EPB41L4A: variants seen among roughly 807,000 people sequenced by gnomAD.
EPB41L4A encodes erythrocyte membrane protein band 4.1 like 4A.
EPB41L4A carries 100 observed loss-of-function variants against 108.6 expected under a neutral mutation model. The observed-to-expected ratio is 0.92, with a 90% CI of 0.78 to 1.09. The LOEUF (loss-of-function observed/expected upper bound fraction) is 1.09, where lower values mean the gene tolerates loss of function less well. Ranked by LOEUF, EPB41L4A falls within the 50% of genes least tolerant of loss-of-function variation. EPB41L4A has a pLI of 0.00. For missense variants in EPB41L4A, 1,030 were observed against 842.7 expected, an observed-to-expected ratio of 1.22 and a Z score of -2.75; for synonymous variants, 319 against 289.0, an observed-to-expected ratio of 1.10 and a Z score of -1.05.
At chr5:112,265,710 C>T (rs77244110) in intron 5 of EPB41L4A, among the ~76,000 whole-genome samples, 3,771 of 152,322 alleles carry the variant, frequency 0.025, 90 homozygotes, top group African/African-American at 0.067. Flanking sequence ...CTAATCGTCA[C>T]TGGAAGTAGT....
At chr5:112,386,160 C>T (rs1760511161) in intron 1 of EPB41L4A, among the ~76,000 whole-genome samples, 1 of 152,170 alleles carries the variant, frequency 6.6e-6, no homozygotes, top group Non-Finnish European at 1.5e-5. Context: ...TGAGACATAA[C>T]GAAGGCATTA....
At chr5:112,278,443 G>A (rs1207328124) in intron 3 of EPB41L4A, among the ~76,000 whole-genome samples, 2 of 151,962 alleles carry the variant, frequency 1.3e-5, no homozygotes, top group East Asian at 3.9e-4. Context: ...GCAGAGACGA[G>A]GCTTCACCAT....
chr5:112,362,544 G>C (rs1401907102), intron 1 of EPB41L4A, among the ~76,000 whole-genome samples: 1 of 152,132 alleles, frequency 6.6e-6, no homozygotes, highest in Non-Finnish European at 1.5e-5. Context: ...GCCTCCCAAA[G>C]TGCTGGGATT....
chr5:112,199,620 A>G (rs1273657005), intron 15 of EPB41L4A, among the ~76,000 whole-genome samples: 4 of 152,206 alleles, frequency 2.6e-5, no homozygotes, highest in Admixed American at 2.6e-4. Flanking sequence ...CCACACTTGG[A>G]CTTCTCAGAA....
intron 1 of EPB41L4A, among the ~76,000 whole-genome samples, chr5:112,398,357 A>G (rs1217063024): frequency 6.6e-6 from 1 of 152,048 alleles, no homozygotes; most frequent in Non-Finnish European, 1.5e-5. Context: ...ACAGCCCCAT[A>G]ATAAATGCTT....
At chr5:112,400,078 T>G (rs1330158922) in intron 1 of EPB41L4A, among the ~76,000 whole-genome samples, 1 of 152,184 alleles carries the variant, frequency 6.6e-6, no homozygotes, top group Non-Finnish European at 1.5e-5. Flanking sequence ...GAAAGAGGTT[T>G]AATTAACTCA....
chr5:112,307,348 A>G (rs1384964233), intron 2 of EPB41L4A, 38 bp downstream of exon 2: 1 of 1,393,546 alleles, frequency 7.2e-7, no homozygotes, highest in African/African-American at 1.4e-5. Context: ...AGTGAAATTT[A>G]TAACCAGAAA....
intron 3 of EPB41L4A, among the ~76,000 whole-genome samples, chr5:112,278,984 G>C (rs1015999732): frequency 2.1e-5 from 3 of 144,902 alleles, no homozygotes; most frequent in Non-Finnish European, 3.0e-5. Flanking sequence ...AGAATTGCTT[G>C]AACGCAGGAG....
intron 12 of EPB41L4A, among the ~76,000 whole-genome samples, chr5:112,148,055 C>T (rs888684991): frequency 1.7e-4 from 24 of 141,302 alleles, no homozygotes; most frequent in Admixed American, 4.1e-4. Context: ...AAAAAATAAA[C>T]GCAAACACCA....
downstream of EPB41L4A, among the ~76,000 whole-genome samples, chr5:112,141,969 A>C (rs1034034551): frequency 3.3e-5 from 5 of 152,180 alleles, no homozygotes; most frequent in African/African-American, 1.2e-4. Context: ...TAAATGTAAC[A>C]CTCAGACTTC....
At chr5:112,216,196 C>G (rs7700588) in intron 12 of EPB41L4A, among the ~76,000 whole-genome samples, 9 of 151,968 alleles carry the variant, frequency 5.9e-5, no homozygotes, top group African/African-American at 9.7e-5. Flanking sequence ...GCTACTTTAT[C>G]TGGGGGCAAT....
chr5:112,179,638 T>C (rs1053283727), intron 18 of EPB41L4A, among the ~76,000 whole-genome samples: 5 of 152,118 alleles, frequency 3.3e-5, no homozygotes, highest in Non-Finnish European at 7.4e-5. Flanking sequence ...TGATCAAAAC[T>C]CTTCACTAAC....
At chr5:112,346,980 A>G (rs969994032) in intron 1 of EPB41L4A, among the ~76,000 whole-genome samples, 4 of 152,200 alleles carry the variant, frequency 2.6e-5, no homozygotes, top group African/African-American at 7.2e-5. Flanking sequence ...GCATTTTGAC[A>G]GTTAGAGTCC....
At chr5:112,218,167 T>C (rs1192056732) in intron 12 of EPB41L4A, among the ~76,000 whole-genome samples, 1 of 152,182 alleles carries the variant, frequency 6.6e-6, no homozygotes, top group Non-Finnish European at 1.5e-5. Flanking sequence ...GGAAGGCATC[T>C]GCTCATTCCC....
intron 11 of EPB41L4A, among the ~76,000 whole-genome samples, chr5:112,236,830 A>G (rs1379018468): frequency 3.3e-5 from 5 of 152,192 alleles, no homozygotes; most frequent in Non-Finnish European, 5.9e-5. Flanking sequence ...TGGAGGCTCC[A>G]ATTTCTCATC....
At chr5:112,261,694 T>C (rs1751495333) in intron 7 of EPB41L4A, among the ~76,000 whole-genome samples, 1 of 152,170 alleles carries the variant, frequency 6.6e-6, no homozygotes, top group Non-Finnish European at 1.5e-5. Context: ...TGCAAAAATA[T>C]TTCTATTAAT....
In EPB41L4A at chr5:112,142,478, G is replaced by A. The variant is rs533859196; in HGVS notation, n.2515C>T. ...TTCATTTTATTGTGGATACAAATATGAGCAAAAATGCTTATGGGTGTGGGT... is the reference window on the plus strand; with the variant it reads ...TTCATTTTATTGTGGATACAAATATAAGCAAAAATGCTTATGGGTGTGGGT... On this transcript the variant is annotated non_coding_transcript_exon_variant, in exon 14 of 14. Transcript: ENST00000507810. 2.0e-5 allele frequency: 3 copies of A among 152,292 alleles called. No homozygotes were observed. In the East Asian group the frequency reaches 5.8e-4, roughly 29 times the overall value. 9.4% of individuals were successfully genotyped at this position (152,292 alleles called of 1,614,324 possible).
intron 1 of EPB41L4A, among the ~76,000 whole-genome samples, chr5:112,396,344 A>G (rs1761350587): frequency 6.6e-6 from 1 of 152,334 alleles, no homozygotes; most frequent in African/African-American, 2.4e-5. Flanking sequence ...CCAGATACAT[A>G]CTCAGTTTTA....
At chr5:112,331,955 G>A (rs539566178) in intron 1 of EPB41L4A, among the ~76,000 whole-genome samples, 1 of 152,338 alleles carries the variant, frequency 6.6e-6, no homozygotes, top group Admixed American at 6.5e-5. Flanking sequence ...AACAGCCAGG[G>A]GTTAGAATCA....
Sources: allele counts gnomAD v4.1 joint callset (sites outside exome capture counted in the v4.1 genomes callset), GRCh38; gene constraint gnomAD v4.1.1; transcripts MANE v1.5; gene names NCBI Gene and HGNC (gene_info 2026-07-23, HGNC 2026-07-21).